DST: variants seen among roughly 807,000 people sequenced by gnomAD.
DST encodes dystonin, also known as bullous pemphigoid antigen.
Under a neutral mutation model 875.2 loss-of-function variants are expected in DST, and 253 were observed. The observed-to-expected ratio is 0.29, with a 90% CI of 0.26 to 0.32. The LOEUF (loss-of-function observed/expected upper bound fraction) is 0.32. Among genes scored for constraint, DST ranks in the 10% least tolerant of loss-of-function variants. The probability of loss-of-function intolerance (pLI) is 1.00; values close to 1 mark genes in which losing one functional copy is unlikely to be tolerated. For missense variants in DST, 8,287 were observed against 9,111.6 expected (o/e 0.91, Z 3.68); for synonymous variants, 3,124 against 3,197.1 (o/e 0.98, Z 0.77).
intron 98 of DST, chr6:56,466,761 T>C (rs2094593877): frequency 6.6e-6 from 1 of 152,224 alleles, no homozygotes; most frequent in Non-Finnish European, 1.5e-5. Flanking sequence ...CACAGTCAAC[T>C]AAAATTTCTG....
chr6:56,578,195 A>AC (rs2097904147), intron 50 of DST, among the ~76,000 whole-genome samples: 1 of 151,178 alleles, frequency 6.6e-6, no homozygotes, highest in Non-Finnish European at 1.5e-5. Flanking sequence ...ATACAGTGAG[A>AC]CCCCATCTCT....
chr6:56,816,373 T>C (rs1404668089), intron 4 of DST, among the ~76,000 whole-genome samples: 4 of 152,138 alleles, frequency 2.6e-5, no homozygotes, highest in African/African-American at 4.8e-5. Context: ...CTGAGGAGAA[T>C]AGTGAGACCT....
At chr6:56,672,811 AG>A (rs2099108581) in intron 9 of DST, among the ~76,000 whole-genome samples, 1 of 152,234 alleles carries the variant, frequency 6.6e-6, no homozygotes, top group African/African-American at 2.4e-5. Flanking sequence ...TTTCTGAAAA[AG>A]GGAGAAGTAA....
At chr6:56,829,935 A>G (rs1389502414) in intron 4 of DST, among the ~76,000 whole-genome samples, 1 of 152,194 alleles carries the variant, frequency 6.6e-6, no homozygotes, top group East Asian at 1.9e-4. Context: ...TCTCCTCAGT[A>G]CTAGTAGTTG....
chr6:56,649,874 G>A (rs751930144), intron 12 of DST, among the ~76,000 whole-genome samples: 3 of 152,148 alleles, frequency 2.0e-5, no homozygotes, highest in Non-Finnish European at 2.9e-5. Context: ...ACAAAATGGA[G>A]ACAGAAAGCT....
chr6:56,644,077 C>T (rs2098928477), intron 15 of DST, among the ~76,000 whole-genome samples: 1 of 152,160 alleles, frequency 6.6e-6, no homozygotes, highest in Non-Finnish European at 1.5e-5. Flanking sequence ...TGAGTGGCTT[C>T]TAGGCCCTGA....
chr6:56,720,280 C>T (rs557416302), intron 5 of DST, among the ~76,000 whole-genome samples: 41 of 151,784 alleles, frequency 2.7e-4, no homozygotes, highest in Non-Finnish European at 4.4e-4. Flanking sequence ...CTCTGTTCCA[C>T]CTGGCTCAAC....
intron 9 of DST, among the ~76,000 whole-genome samples, chr6:56,676,638 T>C (rs1324320485): frequency 1.3e-5 from 2 of 150,484 alleles, no homozygotes; most frequent in African/African-American, 4.9e-5. Context: ...GTCCATCAAC[T>C]GAAGAATGAA....
At chr6:56,624,673 T>C (rs1563271373) in intron 35 of DST, 45 bp from the exon 36 acceptor site, 2 of 1,281,184 alleles carry the variant, frequency 1.6e-6, no homozygotes, top group East Asian at 2.3e-5. Context: ...CTCCAGTTAC[T>C]CTTACTAAGT....
Position 56,954,425 on chromosome 6 carries a change from C to G in DST, c.163G>C (p.Gly55Arg). The G allele has an allele frequency of 2.9e-6, 4 of 1,367,294 alleles. No individual in the cohort carries two copies. The highest frequency in any genetic ancestry group is 3.9e-6 in the Non-Finnish European group (4 of 1,021,708). The allele number at this position is 1,367,294 out of a possible 1,614,324, so 84.7% of individuals were successfully genotyped here. A position where few individuals can be genotyped will look rare whatever the true frequency, so the allele number is the denominator to read the frequency against. ...GRHPMKSVFSGRSRSRDAVLR... is the reference protein window; with the variant it reads ...GRHPMKSVFSRRSRSRDAVLR... Reference sequence around the variant, plus strand: ...GTCTTACCTCGGCTTCTTGAACGACCCGAGAAGACCGATTTCATCGGATGC... The same window carrying G: ...GTCTTACCTCGGCTTCTTGAACGACGCGAGAAGACCGATTTCATCGGATGC... Residue 55 changes from glycine to arginine, a missense_variant, in exon 1 of 104, where the codon GGT (glycine) becomes CGT (arginine). Physicochemically the swap from Gly to Arg is moderately radical, Grantham distance 125. Coordinates refer to ENST00000680361, the MANE Select transcript of DST (RefSeq NM_001374736.1).
intron 45 of DST, among the ~76,000 whole-genome samples, chr6:56,598,928 G>T (rs923905000): frequency 6.6e-6 from 1 of 151,936 alleles, no homozygotes. Flanking sequence ...CATGTTTAAC[G>T]AAAGAATGCA....
At chr6:56,835,092 A>G (rs2099792000) in intron 4 of DST, among the ~76,000 whole-genome samples, 1 of 152,214 alleles carries the variant, frequency 6.6e-6, no homozygotes, top group Non-Finnish European at 1.5e-5. Flanking sequence ...CTAGTCAGAA[A>G]AGTCTATATA....
chr6:56,916,045 T>C (rs1171579837), intron 2 of DST, among the ~76,000 whole-genome samples: 1 of 152,208 alleles, frequency 6.6e-6, no homozygotes, highest in Admixed American at 6.5e-5. Context: ...ACGGTTCAGA[T>C]AGTTCATATA....
At position 56,559,711 on chromosome 6, in the gene DST, G is replaced by A. The variant is rs2097503733; in HGVS notation, c.14440+583C>T. Among the ~76,000 whole-genome samples the A allele has an allele frequency of 2.0e-5, 3 of 151,836 alleles. No individual in the cohort carries two copies. The South Asian group carries it at 6.2e-4, about 32-fold the overall frequency. On this transcript the variant is annotated intron_variant, in intron 58 of 103. Coordinates refer to ENST00000680361, the MANE Select transcript of DST (RefSeq NM_001374736.1). ...TACACTCATTTTCTACATCATTATA[G>A]TAATAAAAATTGGTAAGACAATAGG...
chr6:56,694,373 T>C (rs1588713686), intron 9 of DST, among the ~76,000 whole-genome samples: 1 of 152,130 alleles, frequency 6.6e-6, no homozygotes, highest in Non-Finnish European at 1.5e-5. Flanking sequence ...AATACTCAGT[T>C]AGTCAAGTTA....
At chr6:56,687,808 TGC>T (rs2099198516) in intron 9 of DST, among the ~76,000 whole-genome samples, 14 of 148,122 alleles carry the variant, frequency 9.5e-5, no homozygotes, top group Admixed American at 6.7e-4. Flanking sequence ...AGTGTGAAAA[TGC>T]TTCACAAAAT....
chr6:56,661,539 G>A lies in DST; in HGVS notation c.1214+9102C>T, dbSNP rs144530715. On this transcript the variant is annotated intron_variant, in intron 10 of 103. Transcript: ENST00000680361. ...GATTACATACTTCCTAAATCTCTAG[G>A]AGAGTGATAGGCACTCTCATAAGCT... Among the ~76,000 whole-genome samples, 49 of 152,078 alleles carry A rather than the reference G, an allele frequency of 3.2e-4. 1 individual carries two copies. The East Asian group carries it at 9.5e-3, about 29-fold the overall frequency.
In DST at chr6:56,778,600, T is replaced by C. The variant is rs573822134; in HGVS notation, c.626-43311A>G. The stretch of plus-strand genomic sequence containing the variant: ...TTCCTGTGTCCATGTGTTCTCATTG[T>C]TCAATTCCCATCTATGAGTGAGAAC... On this transcript the variant is annotated intron_variant, in intron 4 of 103. Transcript: ENST00000680361. Among the ~76,000 whole-genome samples the C allele has an allele frequency of 3.1e-3, 451 of 146,994 alleles. 2 individuals carry two copies. The highest frequency in any genetic ancestry group is 5.1e-3 in the South Asian group (23 of 4,544).
chr6:56,549,283 T>C (rs2097280961), intron 61 of DST, among the ~76,000 whole-genome samples: 1 of 152,198 alleles, frequency 6.6e-6, no homozygotes. Context: ...CCAGATAGAT[T>C]AATGTCAAAC....
Sources: allele counts gnomAD v4.1 joint callset (sites outside exome capture counted in the v4.1 genomes callset), GRCh38; gene constraint gnomAD v4.1.1; transcripts MANE v1.5; gene names NCBI Gene and HGNC (gene_info 2026-07-23, HGNC 2026-07-21).